NCOA2: variants seen among roughly 807,000 people sequenced by gnomAD.
The protein encoded by NCOA2 is class E basic helix-loop-helix protein 75.
In NCOA2, 21 loss-of-function variants were observed where a neutral mutation model predicts 145.1. The observed-to-expected ratio is 0.14, with a 90% CI of 0.10 to 0.21. NCOA2 has a LOEUF of 0.21. NCOA2 is among the 10% of genes least tolerant of loss of function. The probability of loss-of-function intolerance (pLI) is 1.00; values close to 1 mark genes in which losing one functional copy is unlikely to be tolerated. For synonymous variants in NCOA2, 619 were observed against 637.5 expected (o/e 0.97, Z 0.44); for missense variants, 1,472 against 1,837.6 (o/e 0.80, Z 3.64).
At chr8:70,351,189 A>G (rs1026500106) in intron 1 of NCOA2, among the ~76,000 whole-genome samples, 14 of 152,208 alleles carry the variant, frequency 9.2e-5, no homozygotes, top group Non-Finnish European at 2.1e-4. Flanking sequence ...TTAAATTTCA[A>G]CCTGAGTTTT....
chr8:70,252,359 G>A (rs1044527596), intron 2 of NCOA2, among the ~76,000 whole-genome samples: 3 of 152,142 alleles, frequency 2.0e-5, no homozygotes, highest in Non-Finnish European at 2.9e-5. Flanking sequence ...AGGATCGCTC[G>A]AGCCCAGGAG....
At chr8:70,402,858 GCCGCCGGGGCCCGGCCCCCGGCT>G in intron 1 of NCOA2, among the ~76,000 whole-genome samples, 1 of 140,432 alleles carries the variant, frequency 7.1e-6, no homozygotes, top group Non-Finnish European at 1.5e-5. Context: ...CCGGCTCGGC[GCCGCCGGGGCCCGGCCCCCGGCT>G]CCCCGCCCCC....
chr8:70,273,822 T>G, intron 2 of NCOA2: 1 of 568,574 alleles, frequency 1.8e-6, no homozygotes, highest in East Asian at 4.4e-5. Context: ...GGATGAGGCT[T>G]CCAAGAATGA....
At chr8:70,178,908 A>G (rs947600051) in intron 4 of NCOA2, among the ~76,000 whole-genome samples, 5 of 152,218 alleles carry the variant, frequency 3.3e-5, no homozygotes, top group African/African-American at 1.2e-4. Context: ...CTGGAACTCT[A>G]GCAAACTCAG....
chr8:70,252,964 T>C (rs1455168412), intron 2 of NCOA2, among the ~76,000 whole-genome samples: 1 of 152,246 alleles, frequency 6.6e-6, no homozygotes, highest in Non-Finnish European at 1.5e-5. Context: ...TCACTGCTTC[T>C]TAGCACCTTC....
At chr8:70,358,619 TCAAC>T (rs757809392) in intron 1 of NCOA2, among the ~76,000 whole-genome samples, 7 of 152,066 alleles carry the variant, frequency 4.6e-5, no homozygotes, top group Non-Finnish European at 1.0e-4. Context: ...TCAAAATAGA[TCAAC>T]CACCAAAATG....
the NCOA2 span, among the ~76,000 whole-genome samples, chr8:70,437,126 C>T: frequency 6.6e-6 from 1 of 152,218 alleles, no homozygotes; most frequent in Non-Finnish European, 1.5e-5. Context: ...ACCCTCTCTC[C>T]TGTCACATGA....
intron 1 of NCOA2, among the ~76,000 whole-genome samples, chr8:70,365,014 G>C (rs1392157156): frequency 6.6e-6 from 1 of 152,060 alleles, no homozygotes; most frequent in Non-Finnish European, 1.5e-5. Flanking sequence ...TCAATCCAAT[G>C]AATTCTTATG....
intron 1 of NCOA2, among the ~76,000 whole-genome samples, chr8:70,384,454 A>G (rs1440553430): frequency 6.6e-6 from 1 of 152,196 alleles, no homozygotes; most frequent in East Asian, 1.9e-4. Flanking sequence ...AATTAACCAA[A>G]TGGTTCCAAC....
At chr8:70,126,662 A>G in intron 19 of NCOA2, 151 bp downstream of exon 19, 1 of 694,628 alleles carries the variant, frequency 1.4e-6, no homozygotes, top group Non-Finnish European at 2.5e-6. Flanking sequence ...CACAGGCCCC[A>G]ACTGTCCTCC....
In NCOA2 at chr8:70,330,213, G is replaced by A. The variant is rs552148630; in HGVS notation, c.-76-33413C>T. Among the ~76,000 whole-genome samples, 555 of 132,504 alleles carry A rather than the reference G, an allele frequency of 4.2e-3. 8 individuals carry two copies. Among genetic ancestry groups the A allele is most frequent in the African/African-American group, 0.018 (527 of 30,094 alleles). 86.9% of individuals were successfully genotyped at this position (132,504 alleles called of 152,430 possible). A position where few individuals can be genotyped will look rare whatever the true frequency, so the allele number is the denominator to read the frequency against. On this transcript the variant is annotated intron_variant, in intron 1 of 22. Transcript: ENST00000452400. The stretch of plus-strand genomic sequence containing the variant: ...CTCAATAAATGATGATGATGATGAT[G>A]ATAATGATGATGATGATGATGATGA...
chr8:70,219,891 G>A (rs1183866138), intron 2 of NCOA2, among the ~76,000 whole-genome samples: 2 of 152,154 alleles, frequency 1.3e-5, no homozygotes, highest in African/African-American at 4.8e-5. Context: ...GGTGGGGCCA[G>A]GTGAGTTCAT....
At chr8:70,268,310 C>T (rs144470677) in intron 2 of NCOA2, among the ~76,000 whole-genome samples, 1 of 152,168 alleles carries the variant, frequency 6.6e-6, no homozygotes, top group Non-Finnish European at 1.5e-5. Flanking sequence ...ACATCCACCC[C>T]AGAAAGATAA....
At chr8:70,212,089 ATATATATATATT>A (rs1819101574) in intron 4 of NCOA2, among the ~76,000 whole-genome samples, 1 of 84,714 alleles carries the variant, frequency 1.2e-5, no homozygotes, top group Non-Finnish European at 2.8e-5. Flanking sequence ...ATATATATAT[ATATATATATATT>A]TGTTTTGAAA....
intron 1 of NCOA2, among the ~76,000 whole-genome samples, chr8:70,379,058 T>C (rs190941903): frequency 6.6e-6 from 1 of 152,198 alleles, no homozygotes; most frequent in African/African-American, 2.4e-5. Context: ...AGGATAAGGG[T>C]AGAAAATGTG....
the NCOA2 span, among the ~76,000 whole-genome samples, chr8:70,426,707 GT>G: frequency 6.6e-6 from 1 of 152,206 alleles, no homozygotes; most frequent in Admixed American, 6.5e-5. Context: ...TGCCCGGCAT[GT>G]AGTAAACTCA....
At chr8:70,437,234 C>A in the NCOA2 span, among the ~76,000 whole-genome samples, 1 of 152,238 alleles carries the variant, frequency 6.6e-6, no homozygotes, top group African/African-American at 2.4e-5. Flanking sequence ...CCAAGTGCCA[C>A]CTCCTCAGGG....
At chr8:70,165,192 T>C (rs1813472745) in intron 7 of NCOA2, among the ~76,000 whole-genome samples, 1 of 152,236 alleles carries the variant, frequency 6.6e-6, no homozygotes, top group Admixed American at 6.5e-5. Flanking sequence ...CAAAATAAAA[T>C]CATTTGACCT....
intron 2 of NCOA2, among the ~76,000 whole-genome samples, chr8:70,258,222 G>C (rs1021739731): frequency 1.3e-5 from 2 of 152,158 alleles, no homozygotes; most frequent in Non-Finnish European, 2.9e-5. Context: ...TGCCCAATGG[G>C]CATTTCTTGA....
Sources: gnomAD v4.1 joint callset for allele counts (sites outside exome capture counted in the v4.1 genomes callset) on GRCh38, gnomAD v4.1.1 for gene constraint, MANE v1.5 for transcripts, NCBI Gene and HGNC (gene_info 2026-07-23, HGNC 2026-07-21) for gene names.